The following RPS6KA1 variants were observed in gnomAD, a reference collection of about 807,000 sequenced individuals.
RPS6KA1 encodes the protein ribosomal protein S6 kinase alpha-1.
A neutral mutation model predicts 91.3 loss-of-function variants in RPS6KA1; 48 were observed. The observed-to-expected ratio is 0.53, with a 90% CI of 0.42 to 0.67. The LOEUF (loss-of-function observed/expected upper bound fraction) is 0.67, where lower values mean the gene tolerates loss of function less well. RPS6KA1 is among the 30% of genes least tolerant of loss of function. RPS6KA1 has a pLI of 0.00. For synonymous variants in RPS6KA1, 359 were observed against 384.7 expected (o/e 0.93, Z 0.78); for missense variants, 719 against 960.5 (o/e 0.75, Z 3.32).
At chr1:26,531,978 T>TA (rs2075871053) in intron 1 of RPS6KA1, among the ~76,000 whole-genome samples, 1 of 152,232 alleles carries the variant, frequency 6.6e-6, no homozygotes, top group East Asian at 1.9e-4. Flanking sequence ...ATGTAAGCGA[T>TA]ACAGCCGCCT....
In RPS6KA1 at chr1:26,561,236, G is replaced by A; in HGVS notation, c.1431+102G>A. ...TTGACTTCTCATCCTCTTTCCAGTGGTCATGTGGAGGGGAAGGAGGTCCCT... is the reference window on the plus strand; with the variant it reads ...TTGACTTCTCATCCTCTTTCCAGTGATCATGTGGAGGGGAAGGAGGTCCCT... On this transcript the variant is annotated intron_variant, in intron 16 of 21. Coordinates refer to ENST00000374168, the MANE Select transcript of RPS6KA1 (RefSeq NM_002953.4). This position sits in a 1 kb window ranked among gnomAD's most constrained non-coding sequence, Gnocchi z 5.7. 1.7e-6 allele frequency: 2 copies of A among 1,173,440 alleles called. No homozygotes were observed. Among genetic ancestry groups the A allele is most frequent in the Non-Finnish European group, 2.5e-6 (2 of 805,452 alleles). 72.7% of individuals were successfully genotyped at this position (1,173,440 alleles called of 1,614,324 possible). A position where few individuals can be genotyped will look rare whatever the true frequency, so the allele number is the denominator to read the frequency against.
chr1:26,530,068 A>C, intron 1 of RPS6KA1, 85 bp downstream of exon 1: 2 of 1,003,990 alleles, frequency 2.0e-6, no homozygotes, highest in Non-Finnish European at 2.6e-6. Context: ...GCGCCGCTGC[A>C]GTCCGGCGGG....
chr1:26,555,071 C>T lies in RPS6KA1; in HGVS notation c.757-80C>T. 1.5e-6 allele frequency: 2 copies of T among 1,360,512 alleles called. No individual in the cohort carries two copies. The highest frequency in any genetic ancestry group is 2.1e-6 in the Non-Finnish European group (2 of 959,628). 84.3% of individuals were successfully genotyped at this position (1,360,512 alleles called of 1,614,324 possible). ...ATCAGCAAGAATCCTGGGACTGGGG[C>T]AGAGGGGTCTGACTGGGAGGAGGCG... On this transcript the variant is annotated intron_variant, in intron 9 of 21. Coordinates refer to ENST00000374168, the MANE Select transcript of RPS6KA1 (RefSeq NM_002953.4). This position sits in a 1 kb window ranked among gnomAD's most constrained non-coding sequence, Gnocchi z 4.3.
At position 26,551,505 on chromosome 1, in the gene RPS6KA1, C is replaced by CTA; in HGVS notation, c.388+29_388+30dup. 2 of 1,611,360 alleles carry CTA rather than the reference C, an allele frequency of 1.2e-6. No homozygotes were observed. Among genetic ancestry groups the CTA allele is most frequent in the Non-Finnish European group, 8.5e-7 (1 of 1,177,522 alleles). On this transcript the variant is annotated intron_variant, in intron 5 of 21. Coordinates refer to ENST00000374168, the MANE Select transcript of RPS6KA1 (RefSeq NM_002953.4). The surrounding 1 kb of genome is among the most constrained non-coding windows in gnomAD (Gnocchi z 4.5). Reference sequence around the variant, plus strand: ...AAAGCTTCTGGCCCTGCCTGAGCTCCTACCCCACCCATCCTTCGCCCTTGC... The same window carrying CTA: ...AAAGCTTCTGGCCCTGCCTGAGCTCCTATACCCCACCCATCCTTCGCCCTTGC...
Position 26,555,869 on chromosome 1 carries a change from C to G in RPS6KA1, c.916+244C>G, listed in dbSNP as rs1359839094. On this transcript the variant is annotated intron_variant, in intron 11 of 21. Transcript: ENST00000374168. This position sits in a 1 kb window ranked among gnomAD's most constrained non-coding sequence, Gnocchi z 4.3. ...TCCCTCTGGGGACAAGGACAGAGGC[C>G]CCCACACAGCTTCTCCGCCAAGGCT... 6.6e-6 allele frequency among the ~76,000 whole-genome samples: 1 copy of G among 152,090 alleles called. No individual in the cohort carries two copies.
At chr1:26,543,597 G>A (rs142796137) in intron 2 of RPS6KA1, among the ~76,000 whole-genome samples, 2 of 152,302 alleles carry the variant, frequency 1.3e-5, no homozygotes, top group African/African-American at 2.4e-5. Context: ...TTGTGTCTCC[G>A]AGGGCCAGGA....
In RPS6KA1 at chr1:26,554,079, A is replaced by G; in HGVS notation, c.576-135A>G. The G allele has an allele frequency of 1.1e-6, 1 of 885,978 alleles. No homozygotes were observed. Among genetic ancestry groups the G allele is most frequent in the Non-Finnish European group, 1.7e-6 (1 of 581,054 alleles). The allele number at this position is 885,978 out of a possible 1,614,324, so 54.9% of individuals were successfully genotyped here. ...TGCGTGGTACTGCTACCACCCTGCAACACCCGCCCAGTCATCAGAGAGAAT... is the reference window on the plus strand; with the variant it reads ...TGCGTGGTACTGCTACCACCCTGCAGCACCCGCCCAGTCATCAGAGAGAAT... On this transcript the variant is annotated intron_variant, in intron 7 of 21. Transcript: ENST00000374168. The surrounding 1 kb of genome is among the most constrained non-coding windows in gnomAD (Gnocchi z 4.6).
Position 26,529,930 on chromosome 1 carries a change from GC to G in RPS6KA1, c.13del (p.Gln5SerfsTer11). On this transcript the variant is annotated frameshift_variant, in exon 1 of 22. Transcript: ENST00000374168. LOFTEE classifies it high-confidence loss of function. The surrounding 1 kb of genome is among the most constrained non-coding windows in gnomAD (Gnocchi z 4.2). ...ACCTGGCGGCGGCGAGATGCCGCTC[GC>G]CCAGCTCAAGGAGCCCTGGCCGCTC... MPL[A>X]QLKEPWPLME... 7.0e-7 allele frequency: 1 copy of G among 1,432,166 alleles called. No individual in the cohort carries two copies. The highest frequency in any genetic ancestry group is 9.1e-7 in the Non-Finnish European group (1 of 1,093,470). 88.7% of individuals were successfully genotyped at this position (1,432,166 alleles called of 1,614,324 possible). A position where few individuals can be genotyped will look rare whatever the true frequency, so the allele number is the denominator to read the frequency against.
chr1:26,545,293 C>T (rs754315954), intron 2 of RPS6KA1, among the ~76,000 whole-genome samples: 15 of 151,560 alleles, frequency 9.9e-5, no homozygotes, highest in African/African-American at 2.7e-4. Flanking sequence ...CCTCAGCTCC[C>T]GAATAGCTGG....
At chr1:26,535,321 G>A (rs1183225892) in intron 1 of RPS6KA1, among the ~76,000 whole-genome samples, 1 of 152,046 alleles carries the variant, frequency 6.6e-6, no homozygotes, top group Non-Finnish European at 1.5e-5. Flanking sequence ...TCCAGGGGCA[G>A]GGAGATTATG....
chr1:26,544,562 C>A (rs1296972057), intron 2 of RPS6KA1, among the ~76,000 whole-genome samples: 2 of 152,024 alleles, frequency 1.3e-5, no homozygotes, highest in Admixed American at 1.3e-4. Context: ...GCAGCCTCCC[C>A]CTCCCAGGTT....
chr1:26,530,951 T>C, intron 1 of RPS6KA1: 1 of 1,149,008 alleles, frequency 8.7e-7, no homozygotes, highest in Non-Finnish European at 1.1e-6. Context: ...AGGGAGGGAA[T>C]GGAGACCTCA....
rs1363486458 is a variant in RPS6KA1 at position 26,558,660 on chromosome 1, G to A, written c.1085-147G>A. The A allele has an allele frequency of 2.3e-6, 2 of 863,982 alleles. No individual in the cohort carries two copies. Among genetic ancestry groups the A allele is most frequent in the Non-Finnish European group, 3.7e-6 (2 of 544,646 alleles). 53.5% of individuals were successfully genotyped at this position (863,982 alleles called of 1,614,324 possible). On this transcript the variant is annotated intron_variant, in intron 13 of 21. Coordinates refer to ENST00000374168, the MANE Select transcript of RPS6KA1 (RefSeq NM_002953.4). This position sits in a 1 kb window ranked among gnomAD's most constrained non-coding sequence, Gnocchi z 4.0. The stretch of plus-strand genomic sequence containing the variant: ...AACACATATGAGCAGTTGGGCCAAG[G>A]CCTGTGATGGACAGGCCCTCTGCAG...
At position 26,540,075 on chromosome 1, in the gene RPS6KA1, C is replaced by G. The variant is rs551144863; in HGVS notation, c.108+3106C>G. 1.3e-5 allele frequency among the ~76,000 whole-genome samples: 2 copies of G among 152,326 alleles called. No individual in the cohort carries two copies. The highest frequency in any genetic ancestry group is 2.1e-4 in the South Asian group (1 of 4,832). ...CCTTGGCCTGGTCAGAGAAGGCCAGCCACCCTCCTAGTACCTGGGGCCCTG... is the reference window on the plus strand; with the variant it reads ...CCTTGGCCTGGTCAGAGAAGGCCAGGCACCCTCCTAGTACCTGGGGCCCTG... On this transcript the variant is annotated intron_variant, in intron 2 of 21. Transcript: ENST00000374168. This position sits in a 1 kb window ranked among gnomAD's most constrained non-coding sequence, Gnocchi z 4.2.
Position 26,555,523 on chromosome 1 carries a change from G to C in RPS6KA1, c.828-14G>C, listed in dbSNP as rs561553098. ...GCAGGGCTCAGCCTTGATGAGTCCC[G>C]GGGGCTGTTTCAGGGCGAAGCTAGG... On this transcript the variant is annotated splice_polypyrimidine_tract_variant and intron_variant, in intron 10 of 21. Transcript: ENST00000374168. This position sits in a 1 kb window ranked among gnomAD's most constrained non-coding sequence, Gnocchi z 4.3. The C allele has an allele frequency of 6.4e-7, 1 of 1,573,634 alleles. No homozygotes were observed. Among genetic ancestry groups the C allele is most frequent in the Non-Finnish European group, 8.6e-7 (1 of 1,158,046 alleles).
chr1:26,553,699 A>G, intron 7 of RPS6KA1: 3 of 360,078 alleles, frequency 8.3e-6, no homozygotes, highest in South Asian at 6.2e-5. Context: ...GGTACTTTGC[A>G]TGCAGGTAAT....
At chr1:26,537,961 C>T (rs149522528) in intron 2 of RPS6KA1, among the ~76,000 whole-genome samples, 1 of 152,358 alleles carries the variant, frequency 6.6e-6, no homozygotes, top group African/African-American at 2.4e-5. Flanking sequence ...GCTCAGCTTC[C>T]TGCCAGTGAC....
intron 2 of RPS6KA1, 54 bp from the exon 3 acceptor site, chr1:26,546,813 C>A: frequency 7.0e-7 from 1 of 1,431,836 alleles, no homozygotes; most frequent in Non-Finnish European, 9.8e-7. Flanking sequence ...GCAGGGGAGC[C>A]TCCTGCTGCC....
intron 20 of RPS6KA1, 38 bp from the exon 21 acceptor site, chr1:26,573,186 C>T (rs766967846): frequency 1.2e-6 from 2 of 1,606,696 alleles, no homozygotes; most frequent in Non-Finnish European, 1.7e-6. Context: ...TGCTCCCCTG[C>T]AGCCCTCCCC....
Sources: allele counts gnomAD v4.1 joint callset (sites outside exome capture counted in the v4.1 genomes callset), GRCh38; gene constraint gnomAD v4.1.1; non-coding constraint Gnocchi (gnomAD v3.1); transcripts MANE v1.5; gene names NCBI Gene and HGNC (gene_info 2026-07-23, HGNC 2026-07-21).